ATXN1L: variants seen among roughly 807,000 people sequenced by gnomAD.
ATXN1L encodes ataxin-1-like.
In ATXN1L, 8 loss-of-function variants were observed where a neutral mutation model predicts 43.4. The observed-to-expected ratio is 0.18, with a 90% CI of 0.11 to 0.33. ATXN1L has a LOEUF of 0.33. Among genes scored for constraint, ATXN1L ranks in the 10% least tolerant of loss-of-function variants. ATXN1L has a pLI of 1.00. For missense variants in ATXN1L, 856 were observed against 885.4 expected, an observed-to-expected ratio of 0.97 and a Z score of 0.42; for synonymous variants, 379 against 360.6, an observed-to-expected ratio of 1.05 and a Z score of -0.58.
rs1341320252 is a variant in ATXN1L at position 71,856,140 on chromosome 16, G to A, written c.*4330G>A. On this transcript the variant is annotated 3_prime_UTR_variant, in exon 3 of 3. Coordinates refer to ENST00000427980, the MANE Select transcript of ATXN1L (RefSeq NM_001137675.4). ...ATGCACAGTGCCTGGGGCGGAAGGA[G>A]GAGAGGTGTTGCGGTTTGCCCTGCT... 1.2e-5 allele frequency: 2 copies of A among 167,052 alleles called. No individual in the cohort carries two copies. Among genetic ancestry groups the A allele is most frequent in the Non-Finnish European group, 2.9e-5 (2 of 68,126 alleles). 10.3% of individuals were successfully genotyped at this position (167,052 alleles called of 1,614,324 possible).
At position 71,850,085 on chromosome 16, in the gene ATXN1L, A is replaced by C; in HGVS notation, c.345A>C (p.Ser115=). The change falls in exon 3 of 3, where the codon TCA becomes TCC. Residue 115 remains serine (S), a synonymous_variant. Coordinates refer to ENST00000427980, the MANE Select transcript of ATXN1L (RefSeq NM_001137675.4). ...PLPPTFNVAS[S]LIQHPGIHYP... ...CCCCAACGTTTAATGTAGCGTCTTC[A>C]CTAATTCAACATCCAGGCATCCACT... 1 of 1,551,678 alleles carries C rather than the reference A, an allele frequency of 6.4e-7. No homozygotes were observed. The highest frequency in any genetic ancestry group is 8.7e-7 in the Non-Finnish European group (1 of 1,146,988).
chr16:71,852,465 CA>C lies in ATXN1L; in HGVS notation c.*656del, dbSNP rs1466347200. On this transcript the variant is annotated 3_prime_UTR_variant, in exon 3 of 3. Coordinates refer to ENST00000427980, the MANE Select transcript of ATXN1L (RefSeq NM_001137675.4). ...ACCATTCTGCCTACAAGGCTTCTAG[CA>C]GCACGGGGGCCCGGAGGGAGAGCCC... is the stretch of plus-strand genomic sequence containing the variant. The C allele has an allele frequency of 6.0e-6, 1 of 167,240 alleles. No homozygotes were observed. The highest frequency in any genetic ancestry group is 2.4e-5 in the African/African-American group (1 of 41,444). 10.4% of individuals were successfully genotyped at this position (167,240 alleles called of 1,614,324 possible).
Position 71,850,008 on chromosome 16 carries a change from G to A in ATXN1L, c.268G>A (p.Ala90Thr), listed in dbSNP as rs1429885620. 2.6e-6 allele frequency: 4 copies of A among 1,551,658 alleles called. No homozygotes were observed. Among genetic ancestry groups the A allele is most frequent in the South Asian group, 1.2e-5 (1 of 84,062 alleles). ...GCTGTATAAGGTGGCTGTGCCGCCT[G>A]CCACCTTTTCACCAACTGGACTCCC... ...GMLYKVAVPPATFSPTGLPSV... is the reference protein window; with the variant it reads ...GMLYKVAVPPTTFSPTGLPSV... The change falls in exon 3 of 3, where the codon GCC becomes ACC. Residue 90 changes from alanine to threonine, a missense_variant. By Grantham distance (58) the Ala-to-Thr change is moderately conservative. This residue lies in a region of ATXN1L where 93 missense variants were observed against 113.4 expected (regional missense o/e 0.82). Transcript: ENST00000427980.
Position 71,854,859 on chromosome 16 carries a change from C to G in ATXN1L, c.*3049C>G, listed in dbSNP as rs1240227596. The G allele has an allele frequency of 6.0e-6, 1 of 166,932 alleles. No individual in the cohort carries two copies. Among genetic ancestry groups the G allele is most frequent in the Non-Finnish European group, 1.5e-5 (1 of 68,106 alleles). 10.3% of individuals were successfully genotyped at this position (166,932 alleles called of 1,614,324 possible). On this transcript the variant is annotated 3_prime_UTR_variant, in exon 3 of 3. Coordinates refer to ENST00000427980, the MANE Select transcript of ATXN1L (RefSeq NM_001137675.4). ...ACCCAGTCATGGATGGATAATAAGC[C>G]AAGTCTTGAATCATTCCTATCAAGA...
At chr16:71,847,979 C>T (rs1278678357) in intron 1 of ATXN1L, 31 bp from the exon 2 acceptor site, 6 of 454,622 alleles carry the variant, frequency 1.3e-5, no homozygotes, top group African/African-American at 6.0e-5. Context: ...GTCAGGCAGC[C>T]GCTTACTCCA....
intron 1 of ATXN1L, among the ~76,000 whole-genome samples, chr16:71,847,216 G>A (rs1018096101): frequency 6.6e-6 from 1 of 152,148 alleles, no homozygotes; most frequent in African/African-American, 2.4e-5. Context: ...TCACTCATCT[G>A]TACTGCCTTC....
At chr16:71,848,618 G>T (rs2033467411) in intron 2 of ATXN1L, among the ~76,000 whole-genome samples, 2 of 152,068 alleles carry the variant, frequency 1.3e-5, no homozygotes, top group Non-Finnish European at 2.9e-5. Flanking sequence ...ACTATATAGA[G>T]GCTGAGTTAA....
chr16:71,851,478 A>G lies in ATXN1L; in HGVS notation c.1738A>G (p.Ile580Val), dbSNP rs1173076410. ...ACAGGTGGGAGATGTCTGCATCTCT[A>G]TCAGTTTACAGAGCTTGAACAGTAA... ...RLQVGDVCIS[I>V]SLQSLNSNSV... Residue 580 changes from isoleucine (I) to valine (V), a missense_variant, in exon 3 of 3, where the codon ATC becomes GTC. Physicochemically the swap from Ile to Val is conservative, Grantham distance 29 (BLOSUM62 3). Transcript: ENST00000427980. This position sits in a 1 kb window ranked among gnomAD's most constrained non-coding sequence, Gnocchi z 4.9. The G allele has an allele frequency of 4.5e-6, 7 of 1,551,356 alleles. No individual in the cohort carries two copies. In the Admixed American group the frequency reaches 5.9e-5, roughly 13 times the overall value.
At position 71,850,061 on chromosome 16, in the gene ATXN1L, C is replaced by T. The variant is rs565152293; in HGVS notation, c.321C>T (p.Pro107=). 44 of 1,551,676 alleles carry T rather than the reference C, an allele frequency of 2.8e-5. No homozygotes were observed. The African/African-American group carries it at 4.0e-4, about 14-fold the overall frequency. ...CTGTGGTGAATATGAGTCCCTTGCC[C>T]CCAACGTTTAATGTAGCGTCTTCAC... The part of the protein sequence containing the change: ...LPSVVNMSPL[P]PTFNVASSLI... Residue 107 remains proline (P), a synonymous_variant, in exon 3 of 3, where the codon CCC becomes CCT. Coordinates refer to ENST00000427980, the MANE Select transcript of ATXN1L (RefSeq NM_001137675.4).
At position 71,851,030 on chromosome 16, in the gene ATXN1L, G is replaced by C; in HGVS notation, c.1290G>C (p.Leu430=). ...LVPTGTDSGL[L]PVGSEILVAS... is the part of the protein sequence containing the mutation. ...CCACTGGAACTGACTCAGGCCTGCT[G>C]CCTGTGGGCTCGGAGATCCTGGTAG... The change falls in exon 3 of 3, where the codon CTG becomes CTC. Residue 430 remains leucine (L), a synonymous_variant. Transcript: ENST00000427980. The surrounding 1 kb of genome is among the most constrained non-coding windows in gnomAD (Gnocchi z 4.9). 3 of 1,551,658 alleles carry C rather than the reference G, an allele frequency of 1.9e-6. No individual in the cohort carries two copies. The highest frequency in any genetic ancestry group is 1.2e-5 in the South Asian group (1 of 84,042).
intron 1 of ATXN1L, among the ~76,000 whole-genome samples, chr16:71,847,096 G>T (rs2033450573): frequency 6.6e-6 from 1 of 152,190 alleles, no homozygotes; most frequent in African/African-American, 2.4e-5. Flanking sequence ...TCCACCTTTT[G>T]TGTACACCTG....
At chr16:71,847,484 TC>T (rs566295169) in intron 1 of ATXN1L, among the ~76,000 whole-genome samples, 1 of 151,718 alleles carries the variant, frequency 6.6e-6, no homozygotes. Context: ...CTTGAGTGAC[TC>T]CCCCCTGACC....
rs2033437439 is a variant in ATXN1L at position 71,846,016 on chromosome 16, C to T, written c.-268C>T. 1.1e-5 allele frequency: 2 copies of T among 183,030 alleles called. No homozygotes were observed. The highest frequency in any genetic ancestry group is 7.7e-5 in the South Asian group (1 of 12,996). 11.3% of individuals were successfully genotyped at this position (183,030 alleles called of 1,614,324 possible). The stretch of plus-strand genomic sequence containing the variant: ...GCTGTGGGGGGCGCTGGGTGTGGGG[C>T]GGCTCCGGGGCCGGGGATGGCGGCG... On this transcript the variant is annotated 5_prime_UTR_variant, in exon 1 of 3. Coordinates refer to ENST00000427980, the MANE Select transcript of ATXN1L (RefSeq NM_001137675.4).
intron 1 of ATXN1L, among the ~76,000 whole-genome samples, chr16:71,846,501 TA>T (rs2033444979): frequency 6.6e-6 from 1 of 152,346 alleles, no homozygotes; most frequent in East Asian, 1.9e-4. Flanking sequence ...CTGGGAGCCA[TA>T]ACCGTAGTCT....
At position 71,851,933 on chromosome 16, in the gene ATXN1L, AG is replaced by A; in HGVS notation, c.*127del. ...TTCTTGGCAGTGAGATTTGGGGGAA[AG>A]GGGAGGCATGAAGTCAGCCTCCCAA... On this transcript the variant is annotated 3_prime_UTR_variant, in exon 3 of 3. Transcript: ENST00000427980. This position sits in a 1 kb window ranked among gnomAD's most constrained non-coding sequence, Gnocchi z 4.9. 1 of 1,171,342 alleles carries A rather than the reference AG, an allele frequency of 8.5e-7. No individual in the cohort carries two copies. Among genetic ancestry groups the A allele is most frequent in the Non-Finnish European group, 1.1e-6 (1 of 883,756 alleles). The allele number at this position is 1,171,342 out of a possible 1,614,324, so 72.6% of individuals were successfully genotyped here.
In ATXN1L at chr16:71,855,829, T is replaced by C. The variant is rs1567391451; in HGVS notation, c.*4019T>C. The C allele has an allele frequency of 6.0e-6, 1 of 167,116 alleles. No individual in the cohort carries two copies. Among genetic ancestry groups the C allele is most frequent in the Non-Finnish European group, 1.5e-5 (1 of 68,122 alleles). The allele number at this position is 167,116 out of a possible 1,614,324, so 10.4% of individuals were successfully genotyped here. ...CACTGAAGCTATAGTACCTTCCAGA[T>C]GGGCAAAAGTGTACACTACAGTTGA... On this transcript the variant is annotated 3_prime_UTR_variant, in exon 3 of 3. Transcript: ENST00000427980.
At position 71,851,897 on chromosome 16, in the gene ATXN1L, AGGGAAT is replaced by A. The variant is rs2033508196; in HGVS notation, c.*90_*95del. 4 of 1,325,798 alleles carry A rather than the reference AGGGAAT, an allele frequency of 3.0e-6. No homozygotes were observed. Among genetic ancestry groups the A allele is most frequent in the Non-Finnish European group, 3.9e-6 (4 of 1,019,774 alleles). The allele number at this position is 1,325,798 out of a possible 1,614,324, so 82.1% of individuals were successfully genotyped here. A position where few individuals can be genotyped will look rare whatever the true frequency, so the allele number is the denominator to read the frequency against. On this transcript the variant is annotated 3_prime_UTR_variant, in exon 3 of 3. Coordinates refer to ENST00000427980, the MANE Select transcript of ATXN1L (RefSeq NM_001137675.4). The surrounding 1 kb of genome is among the most constrained non-coding windows in gnomAD (Gnocchi z 4.9). ...GGCAGAGGATTTGCACACGCCGAGC[AGGGAAT>A]GGCTTTCTTGGCAGTGAGATTTGGG... is the stretch of plus-strand genomic sequence containing the variant.
At chr16:71,846,698 C>G (rs962457335) in intron 1 of ATXN1L, among the ~76,000 whole-genome samples, 2 of 152,196 alleles carry the variant, frequency 1.3e-5, no homozygotes, top group Admixed American at 1.3e-4. Flanking sequence ...GCTGCGTTTT[C>G]CCTTTGAGAT....
rs916700136 is a variant in ATXN1L at position 71,850,489 on chromosome 16, C to A, written c.749C>A (p.Ala250Asp). 1.9e-6 allele frequency: 3 copies of A among 1,551,724 alleles called. No homozygotes were observed. The East Asian group carries it at 7.3e-5, about 38-fold the overall frequency. The change falls in exon 3 of 3, where the codon GCC (alanine) becomes GAC (aspartate). Residue 250 changes from alanine (A) to aspartate (D), a missense_variant. Physicochemically the swap from Ala to Asp is moderately radical, Grantham distance 126. Transcript: ENST00000427980. Reference protein sequence around the residue: ...YTLHETPPAGASPVLTPQESQ... With the variant: ...YTLHETPPAGDSPVLTPQESQ... ...TTGCATGAAACCCCTCCAGCAGGTG[C>A]CAGCCCAGTTCTTACCCCTCAGGAG...
Sources: allele counts gnomAD v4.1 joint callset (sites outside exome capture counted in the v4.1 genomes callset), GRCh38; gene constraint gnomAD v4.1.1; regional missense constraint gnomAD v4.1.1; non-coding constraint Gnocchi (gnomAD v3.1); transcripts MANE v1.5; gene names NCBI Gene and HGNC (gene_info 2026-07-23, HGNC 2026-07-21).